Variants in NAALAD2 observed in about 807,000 individuals in gnomAD.
The protein encoded by NAALAD2 is N-acetylated-alpha-linked acidic dipeptidase 2.
In NAALAD2, 89 loss-of-function variants were observed where a neutral mutation model predicts 95.6. The observed-to-expected ratio is 0.93, with a 90% CI of 0.78 to 1.11. The LOEUF is 1.11. Among genes scored for constraint, NAALAD2 ranks in the 50% least tolerant of loss-of-function variants. The pLI, the probability that NAALAD2 is intolerant of heterozygous loss-of-function variation, is 0.00. For synonymous variants in NAALAD2, 264 were observed against 294.4 expected (o/e 0.90, Z 1.06); for missense variants, 894 against 872.4 (o/e 1.02, Z -0.31).
chr11:90,168,810 G>C, intron 11 of NAALAD2, 119 bp from the exon 12 acceptor site: 1 of 750,144 alleles, frequency 1.3e-6, no homozygotes, highest in Non-Finnish European at 2.3e-6. Context: ...GATGGACCTA[G>C]CTATTTAATT....
Position 90,192,310 on chromosome 11 carries a change from C to T in NAALAD2, c.*563C>T, listed in dbSNP as rs1293482195. 6.6e-6 allele frequency: 1 copy of T among 151,904 alleles called. No individual in the cohort carries two copies. The highest frequency in any genetic ancestry group is 1.5e-5 in the Non-Finnish European group (1 of 67,888). 9.4% of individuals were successfully genotyped at this position (151,904 alleles called of 1,614,324 possible). A position where few individuals can be genotyped will look rare whatever the true frequency, so the allele number is the denominator to read the frequency against. On this transcript the variant is annotated 3_prime_UTR_variant, in exon 19 of 19. Coordinates refer to ENST00000534061, the MANE Select transcript of NAALAD2 (RefSeq NM_005467.4). ...TCAGCAATAAAAATGAAGTAACTTT[C>T]AATAAATGCAATATTATTGGCAGAC...
At chr11:90,164,142 A>G (rs1164549756) in intron 11 of NAALAD2, 1 of 156,698 alleles carries the variant, frequency 6.4e-6, no homozygotes, top group African/African-American at 2.4e-5. Context: ...ATTGTTAAGT[A>G]TAAAGTGATA....
intron 2 of NAALAD2, among the ~76,000 whole-genome samples, chr11:90,141,095 C>T (rs541778659): frequency 6.6e-6 from 1 of 152,088 alleles, no homozygotes; most frequent in African/African-American, 2.4e-5. Context: ...TTATATTCTG[C>T]CCTATTTATC....
chr11:90,180,066 GATGAATGA>G (rs5793435), intron 16 of NAALAD2, among the ~76,000 whole-genome samples: 21 of 150,688 alleles, frequency 1.4e-4, no homozygotes, highest in Non-Finnish European at 2.2e-4. Flanking sequence ...AGGTATAATT[GATGAATGA>G]ATGAATGAAT....
At chr11:90,183,073 T>A in intron 18 of NAALAD2, 65 bp downstream of exon 18, 1 of 1,197,806 alleles carries the variant, frequency 8.3e-7, no homozygotes, top group Non-Finnish European at 1.2e-6. Context: ...AAGTTGGCTT[T>A]AAACTAATGC....
chr11:90,186,779 G>A (rs1366717618), intron 18 of NAALAD2, among the ~76,000 whole-genome samples: 2 of 145,666 alleles, frequency 1.4e-5, no homozygotes, highest in Admixed American at 7.0e-5. Context: ...AGGACTTCAT[G>A]TCCAAAACAC....
At chr11:90,164,652 T>A (rs535595270) in intron 11 of NAALAD2, among the ~76,000 whole-genome samples, 1 of 152,326 alleles carries the variant, frequency 6.6e-6, no homozygotes, top group South Asian at 2.1e-4. Flanking sequence ...GATTTACCCA[T>A]TTTAACTCAT....
intron 18 of NAALAD2, among the ~76,000 whole-genome samples, chr11:90,183,779 T>TTTAA (rs1176175290): frequency 1.3e-5 from 2 of 152,178 alleles, no homozygotes; most frequent in African/African-American, 2.4e-5. Context: ...TCTGAGCACA[T>TTTAA]TTAAGGTAGG....
intron 6 of NAALAD2, among the ~76,000 whole-genome samples, chr11:90,154,874 G>A (rs570168054): frequency 2.8e-4 from 32 of 115,474 alleles, no homozygotes; most frequent in South Asian, 1.5e-3. Flanking sequence ...TATTATATAC[G>A]TATACATAAT....
intron 11 of NAALAD2, among the ~76,000 whole-genome samples, chr11:90,167,128 G>A (rs184532260): frequency 6.6e-6 from 1 of 152,226 alleles, no homozygotes; most frequent in South Asian, 2.1e-4. Flanking sequence ...TGCACTGTGG[G>A]AGCCCCTTTC....
At chr11:90,191,467 A>AT (rs1857323991) in intron 18 of NAALAD2, 91 bp from the exon 19 acceptor site, 1 of 844,486 alleles carries the variant, frequency 1.2e-6, no homozygotes, top group Non-Finnish European at 1.7e-6. Context: ...AAAAGTGAGT[A>AT]TCACAAGGAA....
At position 90,134,764 on chromosome 11, in the gene NAALAD2, G is replaced by A. The variant is rs770197026; in HGVS notation, c.6G>A (p.Ala2=). 6.8e-6 allele frequency: 11 copies of A among 1,613,916 alleles called. No individual in the cohort carries two copies. In the Admixed American group the frequency reaches 1.7e-4, roughly 24 times the overall value. Residue 2 remains alanine, a synonymous_variant, in exon 1 of 19, where the codon GCG becomes GCA. Coordinates refer to ENST00000534061, the MANE Select transcript of NAALAD2 (RefSeq NM_005467.4). ...AGCTCGGTCCTCAAGAAGCCATGGC[G>A]GAATCCAGGGGCCGTCTGTACCTTT... The part of the protein sequence containing the change: M[A]ESRGRLYLWM...
At chr11:90,155,896 T>C (rs892801709) in intron 6 of NAALAD2, among the ~76,000 whole-genome samples, 23 of 142,644 alleles carry the variant, frequency 1.6e-4, no homozygotes, top group African/African-American at 5.9e-4. Context: ...ATATATATTA[T>C]ATATTATATA....
Position 90,152,369 on chromosome 11 carries a change from T to G in NAALAD2, c.681T>G (p.Pro227=), listed in dbSNP as rs201051787. ...CAGATCCAGCTGACTACTTTGCTCC[T>G]GAGGTACAGCCATATCCCAAAGGAT... ...LYSDPADYFA[P]EVQPYPKGWN... The change falls in exon 6 of 19, where the codon CCT becomes CCG. Residue 227 remains proline (P), a synonymous_variant. Transcript: ENST00000534061. The G allele has an allele frequency of 2.4e-5, 38 of 1,613,778 alleles. 1 individual carries two copies. Among genetic ancestry groups the G allele is most frequent in the Admixed American group, 2.0e-4 (12 of 60,004 alleles).
intron 11 of NAALAD2, among the ~76,000 whole-genome samples, chr11:90,168,255 A>T (rs557035605): frequency 6.6e-6 from 1 of 152,272 alleles, no homozygotes; most frequent in African/African-American, 2.4e-5. Flanking sequence ...ACATCCGAAC[A>T]TCAGTAGGAA....
chr11:90,182,963 G>C lies in NAALAD2; in HGVS notation c.1988G>C (p.Arg663Thr), dbSNP rs763226675. The change falls in exon 18 of 19, where the codon AGA becomes ACA. Residue 663 changes from arginine to threonine, a missense_variant. Coordinates refer to ENST00000534061, the MANE Select transcript of NAALAD2 (RefSeq NM_005467.4). Reference protein sequence around the residue: ...MMNDQLMLLERAFIDPLGLPG... With the variant: ...MMNDQLMLLETAFIDPLGLPG... Reference sequence around the variant, plus strand: ...AATGACCAACTGATGCTCCTGGAAAGAGCATTCATCGATCCTCTTGGTTTA... The same window carrying C: ...AATGACCAACTGATGCTCCTGGAAACAGCATTCATCGATCCTCTTGGTTTA... 6.2e-7 allele frequency: 1 copy of C among 1,612,630 alleles called. No individual in the cohort carries two copies. The highest frequency in any genetic ancestry group is 1.7e-5 in the Admixed American group (1 of 59,968).
chr11:90,178,481 C>T (rs1458923555), intron 16 of NAALAD2, among the ~76,000 whole-genome samples: 1 of 152,008 alleles, frequency 6.6e-6, no homozygotes, highest in Non-Finnish European at 1.5e-5. Flanking sequence ...ACCATTCTGG[C>T]TATTATGGTG....
intron 2 of NAALAD2, among the ~76,000 whole-genome samples, chr11:90,141,298 T>G (rs148169063): frequency 0.012 from 1,811 of 152,306 alleles, 17 homozygotes; most frequent in Admixed American, 0.018. Flanking sequence ...ATTACATTAA[T>G]CCTATAGAGC....
In NAALAD2 at chr11:90,144,264, G is replaced by A. The variant is rs1951694190; in HGVS notation, c.195-3066G>A. Among the ~76,000 whole-genome samples, 4 of 152,204 alleles carry A rather than the reference G, an allele frequency of 2.6e-5. No homozygotes were observed. In the South Asian group the frequency reaches 8.3e-4, roughly 32 times the overall value. On this transcript the variant is annotated intron_variant, in intron 2 of 18. Transcript: ENST00000534061. ...TACATACCTAGAAGGTGTAGTGGGT[G>A]GTGACTTTTGTTGTAAGCTTCAAAA...
Sources: gnomAD v4.1 joint callset for allele counts (sites outside exome capture counted in the v4.1 genomes callset) on GRCh38, gnomAD v4.1.1 for gene constraint, MANE v1.5 for transcripts, NCBI Gene and HGNC (gene_info 2026-07-23, HGNC 2026-07-21) for gene names.